GRIA2: variants seen among roughly 807,000 people sequenced by gnomAD.
GRIA2 encodes glutamate receptor 2.
A neutral mutation model predicts 97.3 loss-of-function variants in GRIA2; 14 were observed. The observed-to-expected ratio is 0.14, with a 90% CI of 0.10 to 0.23. GRIA2 has a LOEUF of 0.23. GRIA2 is among the 10% of genes least tolerant of loss of function. The probability of loss-of-function intolerance (pLI) is 1.00; values close to 1 mark genes in which losing one functional copy is unlikely to be tolerated. For missense variants in GRIA2, 558 were observed against 1,069.8 expected (o/e 0.52, Z 6.67); for synonymous variants, 412 against 387.8 (o/e 1.06, Z -0.73).
At chr4:157,308,945 A>G (rs1733955638) in intron 3 of GRIA2, among the ~76,000 whole-genome samples, 1 of 152,178 alleles carries the variant, frequency 6.6e-6, no homozygotes, top group Admixed American at 6.5e-5. Flanking sequence ...TAAAACTTTT[A>G]GTTGTGAGGA....
At chr4:157,278,993 A>G (rs1396547383) in intron 2 of GRIA2, among the ~76,000 whole-genome samples, 2 of 152,100 alleles carry the variant, frequency 1.3e-5, no homozygotes, top group Admixed American at 6.6e-5. Context: ...AGAAACTCCC[A>G]TTTATTGTTG....
At position 157,230,559 on chromosome 4, in the gene GRIA2, T is replaced by TTTCCTTCCTTCCTTCTTTCC. The variant is rs1561001359; in HGVS notation, c.229+8767_229+8768insTTTCCTTCCTTCCTTCCTTC. Among the ~76,000 whole-genome samples the TTTCCTTCCTTCCTTCTTTCC allele has an allele frequency of 2.2e-3, 199 of 89,472 alleles. 2 individuals carry two copies. The highest frequency in any genetic ancestry group is 9.4e-3 in the African/African-American group (182 of 19,390). 58.7% of individuals were successfully genotyped at this position (89,472 alleles called of 152,430 possible). A position where few individuals can be genotyped will look rare whatever the true frequency, so the allele number is the denominator to read the frequency against. ...CCTTCTTTCCTTCCTTCCTTCCTTC[T>TTTCCTTCCTTCCTTCTTTCC]TTCCTTCCTTCCTTCCTTCTTTCCT... On this transcript the variant is annotated intron_variant, in intron 2 of 15. Coordinates refer to ENST00000264426, the MANE Select transcript of GRIA2 (RefSeq NM_001083619.3).
chr4:157,236,847 G>A (rs1730273665), intron 2 of GRIA2, among the ~76,000 whole-genome samples: 1 of 151,896 alleles, frequency 6.6e-6, no homozygotes, highest in African/African-American at 2.4e-5. Flanking sequence ...TCTATTTATG[G>A]GTGAGTCTAC....
Position 157,365,950 on chromosome 4 carries a change from A to G in GRIA2, c.*2519A>G, listed in dbSNP as rs1271973502. ...TTCTATTGAAGATATTGGAATTTCC[A>G]ATTTTTCATGTGTACTATGTCAGAA... On this transcript the variant is annotated 3_prime_UTR_variant, in exon 16 of 16. Transcript: ENST00000264426. 1 of 151,610 alleles carries G rather than the reference A, an allele frequency of 6.6e-6. No individual in the cohort carries two copies. Among genetic ancestry groups the G allele is most frequent in the Admixed American group, 6.6e-5 (1 of 15,152 alleles). 9.4% of individuals were successfully genotyped at this position (151,610 alleles called of 1,614,324 possible). A position where few individuals can be genotyped will look rare whatever the true frequency, so the allele number is the denominator to read the frequency against.
chr4:157,301,183 T>C (rs1022193514), intron 2 of GRIA2, among the ~76,000 whole-genome samples: 1 of 152,180 alleles, frequency 6.6e-6, no homozygotes, highest in Admixed American at 6.5e-5. Flanking sequence ...GCTGAACAAA[T>C]TTAAGATTTA....
intron 12 of GRIA2, among the ~76,000 whole-genome samples, chr4:157,352,078 T>G (rs1736033217): frequency 6.6e-6 from 1 of 152,236 alleles, no homozygotes; most frequent in Admixed American, 6.5e-5. Flanking sequence ...TGCGACAGCC[T>G]CTAATTTACT....
At chr4:157,362,307 G>A (rs1579395534) in intron 14 of GRIA2, 1 of 443,676 alleles carries the variant, frequency 2.3e-6, no homozygotes, top group Non-Finnish European at 4.5e-6. Context: ...AGTACTTTGA[G>A]GGATTGGAAA....
At chr4:157,315,515 T>TTTTG (rs869117665) in intron 4 of GRIA2, among the ~76,000 whole-genome samples, 5 of 147,480 alleles carry the variant, frequency 3.4e-5, no homozygotes, top group East Asian at 2.0e-4. Flanking sequence ...ATGGGTTTTT[T>TTTTG]TTTGTTTGTT....
intron 3 of GRIA2, among the ~76,000 whole-genome samples, chr4:157,304,516 A>G (rs1733753469): frequency 6.6e-6 from 1 of 152,162 alleles, no homozygotes; most frequent in African/African-American, 2.4e-5. Context: ...GTTTTTAACC[A>G]TTCCCAGGTC....
chr4:157,352,737 A>AAAC (rs1553958246), intron 12 of GRIA2, among the ~76,000 whole-genome samples: 12 of 150,120 alleles, frequency 8.0e-5, no homozygotes, highest in African/African-American at 1.7e-4. Flanking sequence ...AAAAAAAAAA[A>AAAC]ACACACACAA....
chr4:157,277,858 A>ATATATGTATATATGTATG (rs1273987768), intron 2 of GRIA2, among the ~76,000 whole-genome samples: 6 of 146,120 alleles, frequency 4.1e-5, no homozygotes, highest in Middle Eastern at 3.6e-3. Context: ...ATATATGTAT[A>ATATATGTATATATGTATG]TATATGTATA....
intron 2 of GRIA2, among the ~76,000 whole-genome samples, chr4:157,297,811 A>T (rs1025852011): frequency 6.6e-6 from 1 of 152,076 alleles, no homozygotes; most frequent in Non-Finnish European, 1.5e-5. Context: ...AAGCTCACAC[A>T]TGAGTTCATG....
intron 2 of GRIA2, among the ~76,000 whole-genome samples, chr4:157,253,709 T>C (rs1043325838): frequency 1.3e-5 from 2 of 152,138 alleles, no homozygotes; most frequent in African/African-American, 4.8e-5. Context: ...ATCAAAATGA[T>C]TAATCAGTTC....
intron 12 of GRIA2, among the ~76,000 whole-genome samples, chr4:157,347,846 G>T (rs1377840442): frequency 6.6e-6 from 1 of 152,114 alleles, no homozygotes; most frequent in African/African-American, 2.4e-5. Flanking sequence ...ATATTTGAAG[G>T]AAAATTTGAT....
In GRIA2 at chr4:157,338,268, C is replaced by T. The variant is rs139426660; in HGVS notation, c.1844+1521C>T. Among the ~76,000 whole-genome samples the T allele has an allele frequency of 7.7e-3, 1,168 of 151,348 alleles. 19 individuals are homozygous for T. The highest frequency in any genetic ancestry group is 0.064 in the South Asian group (306 of 4,788). ...TAAGAAGAACAATGAAGTATGTTAC[C>T]CTAGTTCTGAAATGTAAGGCAATAA... On this transcript the variant is annotated intron_variant, in intron 11 of 15. Coordinates refer to ENST00000264426, the MANE Select transcript of GRIA2 (RefSeq NM_001083619.3).
At chr4:157,349,956 C>T (rs1425836907) in intron 12 of GRIA2, among the ~76,000 whole-genome samples, 1 of 152,040 alleles carries the variant, frequency 6.6e-6, no homozygotes, top group Non-Finnish European at 1.5e-5. Flanking sequence ...AAATTAGTTT[C>T]CAAATTCTGT....
intron 6 of GRIA2, among the ~76,000 whole-genome samples, chr4:157,323,645 A>G (rs1173442453): frequency 6.6e-6 from 1 of 152,170 alleles, no homozygotes; most frequent in African/African-American, 2.4e-5. Flanking sequence ...GCTGCCTGCT[A>G]GGAGAAGCAT....
chr4:157,254,756 T>C (rs75969322), intron 2 of GRIA2, among the ~76,000 whole-genome samples: 2 of 152,168 alleles, frequency 1.3e-5, no homozygotes, highest in East Asian at 3.9e-4. Context: ...TACTAATTTG[T>C]TCTTGGGATA....
At chr4:157,285,798 G>C (rs1732815227) in intron 2 of GRIA2, among the ~76,000 whole-genome samples, 1 of 151,366 alleles carries the variant, frequency 6.6e-6, no homozygotes, top group African/African-American at 2.4e-5. Flanking sequence ...TTCATTATTT[G>C]TTATAGTAAT....
Sources: allele counts gnomAD v4.1 joint callset (sites outside exome capture counted in the v4.1 genomes callset), GRCh38; gene constraint gnomAD v4.1.1; transcripts MANE v1.5; gene names NCBI Gene and HGNC (gene_info 2026-07-23, HGNC 2026-07-21).